The following NKD2 variants were observed in gnomAD, a reference collection of about 807,000 sequenced individuals.
NKD2 encodes NKD inhibitor of Wnt signaling pathway 2.
A neutral mutation model predicts 34.8 loss-of-function variants in NKD2; 43 were observed. The observed-to-expected ratio is 1.24, with a 90% confidence interval of 0.97 to 1.60. The LOEUF is 1.60. NKD2 is among the 40% of genes most tolerant of loss of function. NKD2 has a pLI of 0.00. For synonymous variants in NKD2, 278 were observed against 265.1 expected (o/e 1.05, Z -0.47); for missense variants, 675 against 627.1 (o/e 1.08, Z -0.82).
chr5:1,008,864 C>A lies in NKD2; in HGVS notation c.-194C>A. On this transcript the variant is annotated 5_prime_UTR_variant, in exon 1 of 10. Transcript: ENST00000296849. ...CCGCGCCCTGCGCCCGGTGGCCCCCCACCTCCGCCCCGCGGCCGTACCTGG... is the reference window on the plus strand; with the variant it reads ...CCGCGCCCTGCGCCCGGTGGCCCCCAACCTCCGCCCCGCGGCCGTACCTGG... 1 of 352,100 alleles carries A rather than the reference C, an allele frequency of 2.8e-6. No individual in the cohort carries two copies. The highest frequency in any genetic ancestry group is 1.5e-4 in the South Asian group (1 of 6,876). The allele number at this position is 352,100 out of a possible 1,614,324, so 21.8% of individuals were successfully genotyped here.
At chr5:1,030,018 G>GGGGGA (rs1560994588) in intron 3 of NKD2, among the ~76,000 whole-genome samples, 1 of 150,552 alleles carries the variant, frequency 6.6e-6, no homozygotes, top group African/African-American at 2.5e-5. Context: ...TGTGGTGCGG[G>GGGGGA]GGGGGGGGTA....
chr5:1,011,334 C>T (rs1055156417), intron 3 of NKD2, among the ~76,000 whole-genome samples: 5 of 152,236 alleles, frequency 3.3e-5, no homozygotes, highest in Non-Finnish European at 7.3e-5. Flanking sequence ...CCCTCCCTGC[C>T]ACATTGCTGT....
At chr5:1,015,116 T>A (rs1189000381) in intron 3 of NKD2, among the ~76,000 whole-genome samples, 2 of 152,190 alleles carry the variant, frequency 1.3e-5, no homozygotes, top group Admixed American at 1.3e-4. Context: ...CCGGGCCCCT[T>A]CCTGGCCTTT....
In NKD2 at chr5:1,035,440, G is replaced by A. The variant is rs76030494; in HGVS notation, c.626G>A (p.Arg209Lys). ...RMEGELAEEP[R>K]VADRRLSAHV... ...GAGGGTGAACTGGCAGAGGAGCCAA[G>A]GGTGGCTGACAGGAGGTTGTCTGCA... is the stretch of plus-strand genomic sequence containing the variant. The change falls in exon 8 of 10, where the codon AGG (arginine) becomes AAG (lysine). Residue 209 changes from arginine (R) to lysine (K), a missense_variant. Arg to Lys is a conservative substitution (Grantham distance 26, BLOSUM62 2). Coordinates refer to ENST00000296849, the MANE Select transcript of NKD2 (RefSeq NM_033120.4). 3,243 of 1,558,390 alleles carry A rather than the reference G, an allele frequency of 2.1e-3. 44 individuals are homozygous for A. In the African/African-American group the frequency reaches 0.033, roughly 16 times the overall value.
intron 3 of NKD2, among the ~76,000 whole-genome samples, chr5:1,010,924 C>T (rs943034883): frequency 1.3e-5 from 2 of 152,250 alleles, no homozygotes; most frequent in Non-Finnish European, 2.9e-5. Flanking sequence ...ATCCCTGAGC[C>T]AGCGCCCTCA....
chr5:1,030,024 G>GC lies in NKD2; in HGVS notation c.142-2128_142-2127insC, dbSNP rs978451326. On this transcript the variant is annotated intron_variant, in intron 3 of 9. Transcript: ENST00000296849. ...AGGGGGGATTGTGGTGCGGGGGGGG[G>GC]GGTACTGAGAACCCTGGGGGCTTCA... Among the ~76,000 whole-genome samples, 7 of 140,834 alleles carry GC rather than the reference G, an allele frequency of 5.0e-5. 1 individual carries two copies. The highest frequency in any genetic ancestry group is 1.8e-4 in the African/African-American group (7 of 38,962). The allele number at this position is 140,834 out of a possible 152,430, so 92.4% of individuals were successfully genotyped here.
intron 3 of NKD2, among the ~76,000 whole-genome samples, chr5:1,013,613 C>T (rs557119072): frequency 1.3e-5 from 2 of 152,342 alleles, no homozygotes; most frequent in East Asian, 1.9e-4. Flanking sequence ...GGGCCTTGGG[C>T]CCACTGAGGG....
rs2150754693 is a variant in NKD2, at chr5:1,038,497, A to AAACAGC, written c.*128_*133dup. 1 of 1,513,662 alleles carries AAACAGC rather than the reference A, an allele frequency of 6.6e-7. No individual in the cohort carries two copies. Among genetic ancestry groups the AAACAGC allele is most frequent in the East Asian group, 2.5e-5 (1 of 40,090 alleles). The allele number at this position is 1,513,662 out of a possible 1,614,324, so 93.8% of individuals were successfully genotyped here. A position where few individuals can be genotyped will look rare whatever the true frequency, so the allele number is the denominator to read the frequency against. ...GCCCCCACCCCCCACCTCCGACAGCAAACAGCAACTGACTGCAGGTGCTGG... is the reference window on the plus strand; with the variant it reads ...GCCCCCACCCCCCACCTCCGACAGCAAACAGCAACAGCAACTGACTGCAGGTGCTGG... On this transcript the variant is annotated 3_prime_UTR_variant, in exon 10 of 10. Transcript: ENST00000296849. This position sits in a 1 kb window ranked among gnomAD's most constrained non-coding sequence, Gnocchi z 4.5.
At chr5:1,030,024 G>T (rs988600966) in intron 3 of NKD2, among the ~76,000 whole-genome samples, 5 of 140,692 alleles carry the variant, frequency 3.6e-5, no homozygotes, top group African/African-American at 5.1e-5. Context: ...GCGGGGGGGG[G>T]GGTACTGAGA....
Position 1,034,230 on chromosome 5 carries a change from C to T in NKD2, c.331-5C>T. ...CGAGGTCCCGGCCCCCACGTCCCCC[C>T]ACAGGCACTCCAGTGCGATGTCTCG... On this transcript the variant is annotated splice_polypyrimidine_tract_variant and splice_region_variant and intron_variant, in intron 5 of 9. Transcript: ENST00000296849. 1.2e-6 allele frequency: 2 copies of T among 1,609,734 alleles called. No individual in the cohort carries two copies. Among genetic ancestry groups the T allele is most frequent in the Non-Finnish European group, 1.7e-6 (2 of 1,178,604 alleles).
At chr5:1,014,344 G>A (rs935088390) in intron 3 of NKD2, among the ~76,000 whole-genome samples, 2 of 152,218 alleles carry the variant, frequency 1.3e-5, no homozygotes, top group Non-Finnish European at 2.9e-5. Context: ...CCTGCATTAG[G>A]GTGTTGGGGG....
At chr5:1,011,794 A>T (rs1014626804) in intron 3 of NKD2, among the ~76,000 whole-genome samples, 1 of 152,242 alleles carries the variant, frequency 6.6e-6, no homozygotes, top group African/African-American at 2.4e-5. Flanking sequence ...GAAAACACCA[A>T]CAGCAGCACT....
intron 9 of NKD2, chr5:1,036,678 A>G (rs1733963788): frequency 3.5e-6 from 2 of 575,826 alleles, no homozygotes; most frequent in Non-Finnish European, 6.6e-6. Context: ...GATGGAAGAC[A>G]TTGGGTTTGC....
chr5:1,030,023 G>T (rs561031561), intron 3 of NKD2, among the ~76,000 whole-genome samples: 9 of 150,722 alleles, frequency 6.0e-5, no homozygotes, highest in South Asian at 4.2e-4. Context: ...TGCGGGGGGG[G>T]GGGTACTGAG....
intron 9 of NKD2, chr5:1,037,388 G>A (rs1255247820): frequency 5.6e-5 from 45 of 809,558 alleles, no homozygotes; most frequent in Non-Finnish European, 7.3e-5. Flanking sequence ...TACAGGGCTC[G>A]CACTGCACGT....
intron 3 of NKD2, among the ~76,000 whole-genome samples, chr5:1,010,861 G>A (rs1755726281): frequency 6.6e-6 from 1 of 152,210 alleles, no homozygotes; most frequent in African/African-American, 2.4e-5. Context: ...CTGTCCATTG[G>A]CCCACTGGCC....
chr5:1,028,898 T>C lies in NKD2; in HGVS notation c.142-3254T>C, dbSNP rs1421868095. On this transcript the variant is annotated intron_variant, in intron 3 of 9. Coordinates refer to ENST00000296849, the MANE Select transcript of NKD2 (RefSeq NM_033120.4). Reference sequence around the variant, plus strand: ...CGCCCGCCCTGGGAAGCTGAGGCTTTGGTGGGTGCCGGGGCACATTGGGCC... The same window carrying C: ...CGCCCGCCCTGGGAAGCTGAGGCTTCGGTGGGTGCCGGGGCACATTGGGCC... Among the ~76,000 whole-genome samples the C allele has an allele frequency of 2.0e-5, 3 of 152,042 alleles. No homozygotes were observed. In the East Asian group the frequency reaches 5.8e-4, roughly 30 times the overall value.
intron 4 of NKD2, among the ~76,000 whole-genome samples, chr5:1,032,790 C>T (rs933075096): frequency 1.3e-5 from 2 of 152,242 alleles, no homozygotes; most frequent in South Asian, 2.1e-4. Context: ...TCAGGCTCGA[C>T]GTGCACCTGT....
intron 3 of NKD2, among the ~76,000 whole-genome samples, chr5:1,014,495 T>G (rs113259432): frequency 0.013 from 1,972 of 152,284 alleles, 23 homozygotes; most frequent in East Asian, 0.045. Context: ...CTGCTGTGCA[T>G]GCCTCCCGTG....
Sources: allele counts gnomAD v4.1 joint callset (sites outside exome capture counted in the v4.1 genomes callset), GRCh38; gene constraint gnomAD v4.1.1; non-coding constraint Gnocchi (gnomAD v3.1); transcripts MANE v1.5; gene names NCBI Gene and HGNC (gene_info 2026-07-23, HGNC 2026-07-21).